The following CCDC38 variants were observed in gnomAD, a reference collection of about 807,000 sequenced individuals.
The protein encoded by CCDC38 is coiled-coil domain containing 38.
CCDC38 carries 69 observed loss-of-function variants against 72.8 expected under a neutral mutation model. The ratio of observed to expected loss-of-function variants is 0.95; its 90% CI spans 0.78 to 1.16. The LOEUF (loss-of-function observed/expected upper bound fraction) is 1.16, where lower values mean the gene tolerates loss of function less well. Among genes scored for constraint, CCDC38 ranks in the 50% most tolerant of loss-of-function variants. The pLI, the probability that CCDC38 is intolerant of heterozygous loss-of-function variation, is 0.00. For missense variants in CCDC38, 626 were observed against 638.9 expected, an observed-to-expected ratio of 0.98 and a Z score of 0.22; for synonymous variants, 201 against 213.2, an observed-to-expected ratio of 0.94 and a Z score of 0.50.
At chr12:95,937,752 T>C (rs2080409060) in intron 1 of CCDC38, among the ~76,000 whole-genome samples, 1 of 152,228 alleles carries the variant, frequency 6.6e-6, no homozygotes, top group Non-Finnish European at 1.5e-5. Flanking sequence ...CTTGGTTTGG[T>C]ATTTACTTAT....
rs757176538 is a variant in CCDC38, at chr12:95,872,493, C to T, written c.1279-33G>A. 1.8e-5 allele frequency: 23 copies of T among 1,310,336 alleles called. No homozygotes were observed. In the South Asian group the frequency reaches 2.4e-4, roughly 14 times the overall value. 81.2% of individuals were successfully genotyped at this position (1,310,336 alleles called of 1,614,324 possible). On this transcript the variant is annotated intron_variant, in intron 13 of 15. Coordinates refer to ENST00000344280, the MANE Select transcript of CCDC38 (RefSeq NM_182496.3). The stretch of plus-strand genomic sequence containing the variant: ...TGAGAAGAGCAGAAAACATTAACAT[C>T]ACATTCCACATTCAATAAATATACC...
chr12:95,921,573 G>A (rs1052589533), intron 2 of CCDC38, among the ~76,000 whole-genome samples: 6 of 152,034 alleles, frequency 3.9e-5, no homozygotes, highest in Non-Finnish European at 8.8e-5. Context: ...TATCACAAGA[G>A]CATGGGGGAA....
At chr12:95,875,541 G>A (rs1033571178) in intron 13 of CCDC38, among the ~76,000 whole-genome samples, 2 of 151,934 alleles carry the variant, frequency 1.3e-5, no homozygotes, top group African/African-American at 2.4e-5. Flanking sequence ...CCTCAATAAC[G>A]CTGGAAAAGA....
chr12:95,875,613 G>A (rs1029084641), intron 13 of CCDC38, among the ~76,000 whole-genome samples: 3 of 152,078 alleles, frequency 2.0e-5, no homozygotes, highest in African/African-American at 7.2e-5. Context: ...TATATTCTGA[G>A]AGCTGAAAAA....
intron 15 of CCDC38, among the ~76,000 whole-genome samples, chr12:95,867,422 T>C (rs1022992701): frequency 6.6e-6 from 1 of 152,186 alleles, no homozygotes; most frequent in Non-Finnish European, 1.5e-5. Flanking sequence ...AGTTAGGTTT[T>C]ATTGGGAAGT....
At chr12:95,919,622 T>C (rs1348711168) in intron 2 of CCDC38, 3 of 455,960 alleles carry the variant, frequency 6.6e-6, no homozygotes, top group African/African-American at 6.0e-5. Context: ...TAGCTCTTAC[T>C]GCTTCATGAG....
At chr12:95,871,363 A>G (rs1208019747) in intron 14 of CCDC38, among the ~76,000 whole-genome samples, 1 of 152,212 alleles carries the variant, frequency 6.6e-6, no homozygotes, top group Non-Finnish European at 1.5e-5. Context: ...GATTTAAAGT[A>G]TACAGGAGGA....
At chr12:95,926,168 T>G (rs1280318977) in intron 2 of CCDC38, among the ~76,000 whole-genome samples, 3 of 146,558 alleles carry the variant, frequency 2.0e-5, no homozygotes, top group Admixed American at 6.8e-5. Flanking sequence ...ATCCATCTGG[T>G]CCTGGACTCT....
chr12:95,918,976 C>T lies in CCDC38; in HGVS notation c.38G>A (p.Gly13Asp), dbSNP rs751094394. The change falls in exon 3 of 16, where the codon GGT becomes GAT. Residue 13 changes from glycine (G) to aspartate (D), a missense_variant and splice_region_variant. By Grantham distance (94) the Gly-to-Asp change is moderately conservative (BLOSUM62 -1). Transcript: ENST00000344280. ...SNLLPTLNSG[G>D]KVKDGSTKED... ...TTTGGTTGAGCCATCTTTTACTTTA[C>T]CTGTTAAAAAAGAAAGAATGAATGA... The T allele has an allele frequency of 6.3e-7, 1 of 1,580,160 alleles. No individual in the cohort carries two copies. The highest frequency in any genetic ancestry group is 1.7e-5 in the Admixed American group (1 of 59,626).
chr12:95,900,899 T>A (rs1420255755), intron 5 of CCDC38, among the ~76,000 whole-genome samples: 1 of 152,216 alleles, frequency 6.6e-6, no homozygotes, highest in East Asian at 1.9e-4. Context: ...TTATGGCATT[T>A]TGGATCGTTG....
chr12:95,918,799 G>T, intron 3 of CCDC38, 77 bp downstream of exon 3: 1 of 975,420 alleles, frequency 1.0e-6, no homozygotes, highest in Non-Finnish European at 1.6e-6. Flanking sequence ...TCTCAGCCCA[G>T]CAAAGTTCAT....
intron 7 of CCDC38, among the ~76,000 whole-genome samples, 181 bp from the exon 8 acceptor site, chr12:95,895,327 C>T (rs2079874794): frequency 6.6e-6 from 1 of 152,120 alleles, no homozygotes; most frequent in African/African-American, 2.4e-5. Flanking sequence ...AAGGAAAACT[C>T]TAGGAATGCT....
chr12:95,936,836 T>C (rs1219006258), intron 1 of CCDC38, among the ~76,000 whole-genome samples: 1 of 152,242 alleles, frequency 6.6e-6, no homozygotes, highest in Non-Finnish European at 1.5e-5. Context: ...AGTCACTATT[T>C]ACCTCTCTCC....
chr12:95,902,206 G>A (rs146075868), intron 5 of CCDC38, among the ~76,000 whole-genome samples: 29 of 152,198 alleles, frequency 1.9e-4, no homozygotes, highest in African/African-American at 6.3e-4. Context: ...TTTTTTTCTA[G>A]TTTAATTGAG....
intron 4 of CCDC38, among the ~76,000 whole-genome samples, chr12:95,912,922 G>A (rs1393153529): frequency 2.6e-5 from 4 of 151,988 alleles, no homozygotes; most frequent in Non-Finnish European, 4.4e-5. Flanking sequence ...TTAGCCAGGC[G>A]TGGTCGTGTG....
chr12:95,892,473 T>C (rs1777703797), intron 8 of CCDC38, among the ~76,000 whole-genome samples: 1 of 151,312 alleles, frequency 6.6e-6, no homozygotes, highest in African/African-American at 2.4e-5. Flanking sequence ...TTGTAGAGAC[T>C]ATGTCTCACT....
chr12:95,913,397 C>T (rs1460008601), intron 4 of CCDC38, among the ~76,000 whole-genome samples: 12 of 152,172 alleles, frequency 7.9e-5, no homozygotes, highest in Non-Finnish European at 1.2e-4. Flanking sequence ...GGAATGGGAT[C>T]GGATGGGATT....
Position 95,917,112 on chromosome 12 carries a change from G to C in CCDC38, c.304+17C>G. On this transcript the variant is annotated intron_variant, in intron 4 of 15. Coordinates refer to ENST00000344280, the MANE Select transcript of CCDC38 (RefSeq NM_182496.3). Reference sequence around the variant, plus strand: ...AAATATTCAAAATGATGTTCTTAAAGAGTAATTTAGACTCACCTTCTATTA... The same window carrying C: ...AAATATTCAAAATGATGTTCTTAAACAGTAATTTAGACTCACCTTCTATTA... 6.4e-7 allele frequency: 1 copy of C among 1,558,808 alleles called. No homozygotes were observed. Among genetic ancestry groups the C allele is most frequent in the Non-Finnish European group, 8.6e-7 (1 of 1,162,006 alleles).
chr12:95,916,379 G>GCCTTCCTTCTTCCTT (rs2080144012), intron 4 of CCDC38, among the ~76,000 whole-genome samples: 1 of 147,348 alleles, frequency 6.8e-6, no homozygotes, highest in African/African-American at 2.5e-5. Context: ...TTGCCTGCCT[G>GCCTTCCTTCTTCCTT]CCTTCCTTCC....
Sources: allele counts gnomAD v4.1 joint callset (sites outside exome capture counted in the v4.1 genomes callset), GRCh38; gene constraint gnomAD v4.1.1; transcripts MANE v1.5; gene names NCBI Gene and HGNC (gene_info 2026-07-23, HGNC 2026-07-21).